CRACD: variants seen among roughly 807,000 people sequenced by gnomAD.
CRACD encodes capping protein-inhibiting regulator of actin dynamics.
In CRACD, 56 loss-of-function variants were observed where a neutral mutation model predicts 106.8. The ratio of observed to expected loss-of-function variants is 0.52; its 90% confidence interval spans 0.42 to 0.66. The LOEUF (loss-of-function observed/expected upper bound fraction) is 0.66. CRACD is among the 30% of genes least tolerant of loss of function. CRACD has a pLI of 0.00. For synonymous variants in CRACD, 754 were observed against 670.8 expected (o/e 1.12, Z -1.92); for missense variants, 1,730 against 1,623.2 (o/e 1.07, Z -1.13).
rs190663558 is a variant in CRACD, at chr4:56,279,359, C to T, written c.-17+6867C>T. Among the ~76,000 whole-genome samples the T allele has an allele frequency of 6.1e-3, 933 of 152,068 alleles. 9 individuals are homozygous for T. Among genetic ancestry groups the T allele is most frequent in the Non-Finnish European group, 0.01 (698 of 68,008 alleles). ...AGAAACTACCATCGGAGTGAACAGGCAACCTACAACATGGGAGAAAATTTT... is the reference window on the plus strand; with the variant it reads ...AGAAACTACCATCGGAGTGAACAGGTAACCTACAACATGGGAGAAAATTTT... On this transcript the variant is annotated intron_variant, in intron 3 of 10. Coordinates refer to ENST00000682029, the MANE Select transcript of CRACD (RefSeq NM_001393381.1).
chr4:56,300,935 A>G (rs77431292), intron 4 of CRACD, among the ~76,000 whole-genome samples: 8,099 of 152,336 alleles, frequency 0.053, 299 homozygotes, highest in East Asian at 0.14. Context: ...CGAAGTGACA[A>G]TTGCATAAAC....
At chr4:56,196,544 A>G (rs965562384) in intron 2 of CRACD, 1 of 152,664 alleles carries the variant, frequency 6.6e-6, no homozygotes, top group African/African-American at 2.4e-5. Flanking sequence ...TTGTACAATA[A>G]CCTCATCTGT....
Position 56,316,310 on chromosome 4 carries a change from T to G in CRACD, c.2808T>G (p.Pro936=). The change falls in exon 8 of 11, where the codon CCT becomes CCG. Residue 936 remains proline, a synonymous_variant. Coordinates refer to ENST00000682029, the MANE Select transcript of CRACD (RefSeq NM_001393381.1). Reference sequence around the variant, plus strand: ...CTGTTCCTGTGGCCCACCCTGGGCCTCCACCGGCCAGCAGCCAGACCCCGG... The same window carrying G: ...CTGTTCCTGTGGCCCACCCTGGGCCGCCACCGGCCAGCAGCCAGACCCCGG... The part of the protein sequence containing the change: ...SRSVPVAHPG[P]PPASSQTPAP... 6.2e-7 allele frequency: 1 copy of G among 1,613,850 alleles called. No individual in the cohort carries two copies. Among genetic ancestry groups the G allele is most frequent in the Non-Finnish European group, 8.5e-7 (1 of 1,179,888 alleles).
intron 1 of CRACD, among the ~76,000 whole-genome samples, chr4:56,080,936 T>G (rs538519604): frequency 6.1e-4 from 93 of 152,376 alleles, no homozygotes; most frequent in Non-Finnish European, 1.1e-3. Context: ...TCAAGCTACA[T>G]CAGATCTATC....
chr4:56,182,980 C>T (rs573308842), intron 2 of CRACD, among the ~76,000 whole-genome samples: 39 of 151,266 alleles, frequency 2.6e-4, no homozygotes, highest in African/African-American at 8.5e-4. Flanking sequence ...TGCCTGTAAT[C>T]TCAGTACTTT....
At chr4:56,143,963 G>A (rs753557160) in intron 1 of CRACD, among the ~76,000 whole-genome samples, 6 of 152,044 alleles carry the variant, frequency 3.9e-5, no homozygotes, top group South Asian at 2.1e-4. Flanking sequence ...AATATATGGC[G>A]TGTGGGAAAA....
At chr4:56,143,325 T>C (rs552911315) in intron 1 of CRACD, among the ~76,000 whole-genome samples, 6 of 152,110 alleles carry the variant, frequency 3.9e-5, no homozygotes, top group Non-Finnish European at 8.8e-5. Flanking sequence ...TGAGCTGAAA[T>C]AATGATAATT....
chr4:56,111,674 C>T (rs1429654184), intron 1 of CRACD, among the ~76,000 whole-genome samples: 1 of 152,010 alleles, frequency 6.6e-6, no homozygotes, highest in Non-Finnish European at 1.5e-5. Flanking sequence ...CCTAAGTAGC[C>T]CAGCTAATTT....
At position 56,202,253 on chromosome 4, in the gene CRACD, A is replaced by T. The variant is rs756693959; in HGVS notation, c.-189+22823A>T. On this transcript the variant is annotated intron_variant, in intron 2 of 10. Coordinates refer to ENST00000682029, the MANE Select transcript of CRACD (RefSeq NM_001393381.1). ...TTCTTTTTCCTGTTTTTCAAGTGAC[A>T]TCCTTTTTTTTAGACGGAGTCTCGC... is the stretch of plus-strand genomic sequence containing the variant. Among the ~76,000 whole-genome samples the T allele has an allele frequency of 1.7e-4, 26 of 152,208 alleles. 1 individual carries two copies. The highest frequency in any genetic ancestry group is 4.3e-4 in the African/African-American group (18 of 41,528).
chr4:56,156,646 A>T (rs909697364), intron 1 of CRACD, among the ~76,000 whole-genome samples: 6 of 152,174 alleles, frequency 3.9e-5, no homozygotes, highest in African/African-American at 1.4e-4. Flanking sequence ...TCATTCAACC[A>T]GGTTTTTCCT....
At chr4:56,235,728 C>T (rs1279126068) in intron 2 of CRACD, among the ~76,000 whole-genome samples, 2 of 152,016 alleles carry the variant, frequency 1.3e-5, no homozygotes, top group Non-Finnish European at 2.9e-5. Flanking sequence ...TCTAAGCAAC[C>T]GTACAGGGAA....
At position 56,316,702 on chromosome 4, in the gene CRACD, A is replaced by C. The variant is rs1206938708; in HGVS notation, c.3187+13A>C. 6.3e-7 allele frequency: 1 copy of C among 1,595,526 alleles called. No individual in the cohort carries two copies. Among genetic ancestry groups the C allele is most frequent in the Non-Finnish European group, 8.6e-7 (1 of 1,168,694 alleles). ...GCCGGGAGGAAAGGTAGGTAGCTGC[A>C]GGGTGGGTAACTGCTGCCAGCCGAG... is the stretch of plus-strand genomic sequence containing the variant. On this transcript the variant is annotated intron_variant, in intron 8 of 10. Transcript: ENST00000682029.
In CRACD at chr4:56,307,705, T is replaced by C; in HGVS notation, c.285+6T>C. ...TCTCAGACGCAGAGAACAAGGTAAG[T>C]CTCCTCCAGGGAATGACTTGATGGC... On this transcript the variant is annotated splice_donor_region_variant and intron_variant, in intron 5 of 10. Transcript: ENST00000682029. The C allele has an allele frequency of 6.2e-7, 1 of 1,613,856 alleles. No homozygotes were observed. Among genetic ancestry groups the C allele is most frequent in the South Asian group, 1.1e-5 (1 of 91,032 alleles).
At chr4:56,292,701 T>C (rs1450633443) in intron 3 of CRACD, among the ~76,000 whole-genome samples, 1 of 152,086 alleles carries the variant, frequency 6.6e-6, no homozygotes, top group Non-Finnish European at 1.5e-5. Context: ...ATTTTTTGTA[T>C]TTTTAGTAGA....
At position 56,313,282 on chromosome 4, in the gene CRACD, T is replaced by C. The variant is rs1338389708; in HGVS notation, c.440T>C (p.Leu147Pro). 2.5e-6 allele frequency: 4 copies of C among 1,614,182 alleles called. No individual in the cohort carries two copies. The East Asian group carries it at 6.7e-5, about 27-fold the overall frequency. The change falls in exon 7 of 11, where the codon CTG becomes CCG. Residue 147 changes from leucine to proline, a missense_variant. This residue lies in a region of CRACD where 1,620 missense variants were observed against 1,481.6 expected (regional missense o/e 1.09). Coordinates refer to ENST00000682029, the MANE Select transcript of CRACD (RefSeq NM_001393381.1). ...IESVNLDAIP[L>P]AIARLDNSAA... ...AGTGTCAACTTAGATGCCATCCCCC[T>C]GGCCATCGCTCGCCTGGACAACAGT...
chr4:56,189,186 A>AC (rs199711946), intron 2 of CRACD, among the ~76,000 whole-genome samples: 1 of 145,838 alleles, frequency 6.9e-6, no homozygotes, highest in African/African-American at 2.8e-5. Context: ...ACTGTCTCAA[A>AC]AAAAAAAAAA....
intron 3 of CRACD, among the ~76,000 whole-genome samples, chr4:56,279,124 A>G (rs1195537560): frequency 6.6e-6 from 1 of 152,200 alleles, no homozygotes; most frequent in Admixed American, 6.5e-5. Flanking sequence ...AAACAGGCTC[A>G]AAGAGGTGAC....
Position 56,315,247 on chromosome 4 carries a change from A to T in CRACD, c.1745A>T (p.Gln582Leu). Residue 582 changes from glutamine (Q) to leucine (L), a missense_variant, in exon 8 of 11, where the codon CAG (glutamine) becomes CTG (leucine). Gln to Leu is a moderately radical substitution (Grantham distance 113, BLOSUM62 -2). Transcript: ENST00000682029. The surrounding 1 kb of genome is among the most constrained non-coding windows in gnomAD (Gnocchi z 4.1). Reference protein sequence around the residue: ...EPKAPKASPVQHALPSSLSVP... With the variant: ...EPKAPKASPVLHALPSSLSVP... ...AAGGCCCCCAAAGCCAGCCCAGTCC[A>T]GCACGCCCTACCGTCGTCCCTGAGC... 1 of 1,604,006 alleles carries T rather than the reference A, an allele frequency of 6.2e-7. No homozygotes were observed. The highest frequency in any genetic ancestry group is 8.5e-7 in the Non-Finnish European group (1 of 1,175,552).
intron 1 of CRACD, among the ~76,000 whole-genome samples, chr4:56,105,308 C>T (rs765741429): frequency 6.6e-6 from 1 of 152,036 alleles, no homozygotes; most frequent in African/African-American, 2.4e-5. Flanking sequence ...GGACCAGCCT[C>T]GGCAGCATGG....
Sources: gnomAD v4.1 joint callset for allele counts (sites outside exome capture counted in the v4.1 genomes callset) on GRCh38, gnomAD v4.1.1 for gene constraint, gnomAD v4.1.1 regional missense constraint, Gnocchi (gnomAD v3.1) non-coding constraint, MANE v1.5 for transcripts, NCBI Gene and HGNC (gene_info 2026-07-23, HGNC 2026-07-21) for gene names.